Variants in DDX43 observed in about 807,000 individuals in gnomAD.
DDX43 encodes probable ATP-dependent RNA helicase DDX43.
In DDX43, 50 loss-of-function variants were observed where a neutral mutation model predicts 84.9. The ratio of observed to expected loss-of-function variants is 0.59; its 90% CI spans 0.47 to 0.75. The LOEUF (loss-of-function observed/expected upper bound fraction) is 0.75, where lower values mean the gene tolerates loss of function less well. Among genes scored for constraint, DDX43 ranks in the 30% least tolerant of loss-of-function variants. DDX43 has a pLI of 0.00. For synonymous variants in DDX43, 291 were observed against 266.3 expected, an observed-to-expected ratio of 1.09 and a Z score of -0.90; for missense variants, 689 against 798.6, an observed-to-expected ratio of 0.86 and a Z score of 1.65.
rs1554236135 is a variant in DDX43 at position 73,412,658 on chromosome 6, T to TGTGTGC, written c.1368+371_1368+372insCGTGTG. Reference sequence around the variant, plus strand: ...TATATAGTGTGTGTGTGTGTGTGTGTGTGTGTGTGTGCGCGCGCGCGTGTG... The same window carrying TGTGTGC: ...TATATAGTGTGTGTGTGTGTGTGTGTGTGTGCGTGTGTGTGTGCGCGCGCGCGTGTG... On this transcript the variant is annotated intron_variant, in intron 11 of 16. Coordinates refer to ENST00000370336, the MANE Select transcript of DDX43 (RefSeq NM_018665.3). Among the ~76,000 whole-genome samples, 179 of 87,908 alleles carry TGTGTGC rather than the reference T, an allele frequency of 2.0e-3. 7 individuals carry two copies. The highest frequency in any genetic ancestry group is 7.2e-3 in the African/African-American group (173 of 24,000). 57.7% of individuals were successfully genotyped at this position (87,908 alleles called of 152,430 possible).
intron 4 of DDX43, among the ~76,000 whole-genome samples, 194 bp downstream of exon 4, chr6:73,402,184 TA>T (rs1769587534): frequency 6.6e-6 from 1 of 152,212 alleles, no homozygotes; most frequent in Admixed American, 6.5e-5. Flanking sequence ...GGGGAAATAT[TA>T]AACCTATTTA....
At chr6:73,403,962 C>T (rs1029823811) in intron 4 of DDX43, among the ~76,000 whole-genome samples, 6 of 151,538 alleles carry the variant, frequency 4.0e-5, no homozygotes, top group East Asian at 1.9e-4. Flanking sequence ...GGATTACAGG[C>T]GTCTGCCACC....
intron 14 of DDX43, among the ~76,000 whole-genome samples, chr6:73,414,970 G>A (rs1005024011): frequency 6.6e-6 from 1 of 152,000 alleles, no homozygotes; most frequent in Admixed American, 6.6e-5. Context: ...TGACAAATTG[G>A]TATGGATATG....
rs1769640556 is a variant in DDX43, at chr6:73,404,793, T to C, written c.650+22T>C. The C allele has an allele frequency of 3.2e-6, 5 of 1,571,284 alleles. No homozygotes were observed. The South Asian group carries it at 3.4e-5, about 11-fold the overall frequency. On this transcript the variant is annotated intron_variant, in intron 5 of 16. Transcript: ENST00000370336. ...GGAGGTGGGTAGTTTCATTACCTAGTTGTGTAAGTATTTGTATAGTTACGT... is the reference window on the plus strand; with the variant it reads ...GGAGGTGGGTAGTTTCATTACCTAGCTGTGTAAGTATTTGTATAGTTACGT...
intron 1 of DDX43, among the ~76,000 whole-genome samples, chr6:73,395,617 TAAAAA>T (rs760280152): frequency 2.2e-5 from 3 of 133,622 alleles, no homozygotes; most frequent in Non-Finnish European, 4.9e-5. Flanking sequence ...CCGTCTCAAT[TAAAAA>T]AAAAAAAAAA....
At chr6:73,409,408 T>C (rs1337856812) in intron 10 of DDX43, 60 bp downstream of exon 10, 6 of 1,342,906 alleles carry the variant, frequency 4.5e-6, no homozygotes, top group Non-Finnish European at 6.4e-6. Flanking sequence ...AATCTCATTC[T>C]GTTTGGATTT....
At chr6:73,414,235 C>A (rs1769860675) in intron 13 of DDX43, among the ~76,000 whole-genome samples, 156 bp downstream of exon 13, 1 of 152,180 alleles carries the variant, frequency 6.6e-6, no homozygotes, top group African/African-American at 2.4e-5. Context: ...AAACATTAAT[C>A]TGCCTTTAAG....
rs538597626 is a variant in DDX43 at position 73,412,668 on chromosome 6, T to TGTGTGTGTGTGTGTGTGTGTGTGC, written c.1368+377_1368+378insTGTGTGTGTGTGTGTGTGTGTGCG. On this transcript the variant is annotated intron_variant, in intron 11 of 16. Transcript: ENST00000370336. ...GTGTGTGTGTGTGTGTGTGTGTGTG[T>TGTGTGTGTGTGTGTGTGTGTGTGC]GCGCGCGCGCGTGTGTGTGTGTGCG... 4.1e-4 allele frequency among the ~76,000 whole-genome samples: 44 copies of TGTGTGTGTGTGTGTGTGTGTGTGC among 108,454 alleles called. 2 individuals carry two copies. Among genetic ancestry groups the TGTGTGTGTGTGTGTGTGTGTGTGC allele is most frequent in the African/African-American group, 7.1e-4 (18 of 25,294 alleles). The allele number at this position is 108,454 out of a possible 152,430, so 71.2% of individuals were successfully genotyped here.
At chr6:73,395,991 A>G (rs1769463599) in intron 1 of DDX43, among the ~76,000 whole-genome samples, 2 of 148,028 alleles carry the variant, frequency 1.4e-5, no homozygotes, top group African/African-American at 2.5e-5. Context: ...TTTTTGAGGC[A>G]GCTCTGTGGC....
intron 2 of DDX43, 80 bp downstream of exon 2, chr6:73,397,824 A>G: frequency 1.6e-6 from 2 of 1,282,268 alleles, no homozygotes; most frequent in African/African-American, 1.5e-5. Context: ...TTTCTTTTTA[A>G]GACAGCCTCA....
chr6:73,408,947 A>G (rs1222074920), intron 9 of DDX43, among the ~76,000 whole-genome samples: 1 of 152,182 alleles, frequency 6.6e-6, no homozygotes, highest in African/African-American at 2.4e-5. Flanking sequence ...ATTATCATGC[A>G]TGTTTACTTT....
intron 1 of DDX43, among the ~76,000 whole-genome samples, chr6:73,396,129 TTG>T (rs1769466371): frequency 6.6e-6 from 1 of 152,050 alleles, no homozygotes; most frequent in Non-Finnish European, 1.5e-5. Context: ...TGGCTAATTT[TTG>T]TGTTTTTAGT....
At chr6:73,411,680 G>A (rs1769786647) in intron 10 of DDX43, among the ~76,000 whole-genome samples, 1 of 151,802 alleles carries the variant, frequency 6.6e-6, no homozygotes, top group Non-Finnish European at 1.5e-5. Context: ...GTATCCTTTG[G>A]TTCATAAAAA....
intron 16 of DDX43, among the ~76,000 whole-genome samples, chr6:73,416,744 A>G (rs957788131): frequency 1.3e-5 from 2 of 152,196 alleles, no homozygotes; most frequent in Admixed American, 6.5e-5. Context: ...TCATGGCATG[A>G]AAGTTTTGGA....
At position 73,406,495 on chromosome 6, in the gene DDX43, A is replaced by G. The variant is rs761829956; in HGVS notation, c.926+13A>G. On this transcript the variant is annotated intron_variant, in intron 7 of 16. Coordinates refer to ENST00000370336, the MANE Select transcript of DDX43 (RefSeq NM_018665.3). ...TCCTTCAACCCAGGTAAGAATTCCT[A>G]TGGCTGGTTTCTTCTTATAGAGGTT... is the stretch of plus-strand genomic sequence containing the variant. 6.6e-6 allele frequency: 10 copies of G among 1,526,342 alleles called. No individual in the cohort carries two copies. In the African/African-American group the frequency reaches 9.6e-5, roughly 15 times the overall value. The allele number at this position is 1,526,342 out of a possible 1,614,324, so 94.5% of individuals were successfully genotyped here.
intron 10 of DDX43, among the ~76,000 whole-genome samples, chr6:73,411,199 A>T (rs1769779325): frequency 6.9e-6 from 1 of 144,262 alleles, no homozygotes; most frequent in African/African-American, 2.5e-5. Flanking sequence ...AAAAAAAAAA[A>T]ATTTATTTGG....
At chr6:73,404,607 T>C (rs921376362) in intron 4 of DDX43, 83 bp from the exon 5 acceptor site, 9 of 1,022,970 alleles carry the variant, frequency 8.8e-6, no homozygotes, top group Admixed American at 2.0e-5. Flanking sequence ...TAAAATATAT[T>C]GTAGTATGAT....
chr6:73,402,853 A>G (rs1472294688), intron 4 of DDX43, among the ~76,000 whole-genome samples: 1 of 152,156 alleles, frequency 6.6e-6, no homozygotes, highest in Non-Finnish European at 1.5e-5. Context: ...TGCTGGGATT[A>G]CAGGCGTGAG....
chr6:73,412,668 T>TGTGTGTGTGTGTGTGCGCGCGCGC (rs538597626), intron 11 of DDX43, among the ~76,000 whole-genome samples: 1 of 108,396 alleles, frequency 9.2e-6, no homozygotes, highest in African/African-American at 4.0e-5. Context: ...TGTGTGTGTG[T>TGTGTGTGTGTGTGTGCGCGCGCGC]GCGCGCGCGC....
Sources: allele counts gnomAD v4.1 joint callset (sites outside exome capture counted in the v4.1 genomes callset), GRCh38; gene constraint gnomAD v4.1.1; transcripts MANE v1.5; gene names NCBI Gene and HGNC (gene_info 2026-07-23, HGNC 2026-07-21).